WDFY3: variants seen among roughly 807,000 people sequenced by gnomAD.
The protein encoded by WDFY3 is WD repeat and FYVE domain containing 3, also known as WD repeat and FYVE domain-containing protein 3.
WDFY3 carries 66 observed loss-of-function variants against 409.6 expected under a neutral mutation model. The observed-to-expected ratio is 0.16, with a 90% CI of 0.13 to 0.20. The LOEUF (loss-of-function observed/expected upper bound fraction) is 0.20, where lower values mean the gene tolerates loss of function less well. Among genes scored for constraint, WDFY3 ranks in the 10% least tolerant of loss-of-function variants. WDFY3 has a pLI of 1.00. For missense variants in WDFY3, 3,031 were observed against 4,298.1 expected, an observed-to-expected ratio of 0.71 and a Z score of 8.24; for synonymous variants, 1,521 against 1,537.1, an observed-to-expected ratio of 0.99 and a Z score of 0.25.
rs553807416 is a variant in WDFY3, at chr4:84,877,421, T to C, written c.-31-16799A>G. Among the ~76,000 whole-genome samples, 4 of 152,154 alleles carry C rather than the reference T, an allele frequency of 2.6e-5. No individual in the cohort carries two copies. In the South Asian group the frequency reaches 6.2e-4, roughly 24 times the overall value. ...TGATCAGGGCTCATTGCAGCCTCCA[T>C]CTCCTGGGCTCAAACCATCATCCCA... is the stretch of plus-strand genomic sequence containing the variant. On this transcript the variant is annotated intron_variant, in intron 3 of 67. Transcript: ENST00000295888.
intron 21 of WDFY3, among the ~76,000 whole-genome samples, chr4:84,794,117 A>G (rs1748972902): frequency 6.6e-6 from 1 of 152,204 alleles, no homozygotes; most frequent in Non-Finnish European, 1.5e-5. Flanking sequence ...AAGGTAAGTG[A>G]TGGATAAGGT....
chr4:84,750,592 G>A (rs745870777), intron 36 of WDFY3, among the ~76,000 whole-genome samples: 25 of 152,250 alleles, frequency 1.6e-4, no homozygotes, highest in Admixed American at 5.9e-4. Flanking sequence ...CAGAGCCCCT[G>A]GCATGGACTG....
In WDFY3 at chr4:84,732,271, A is replaced by C. The variant is rs571314887; in HGVS notation, c.7221+1111T>G. On this transcript the variant is annotated intron_variant, in intron 44 of 67. Coordinates refer to ENST00000295888, the MANE Select transcript of WDFY3 (RefSeq NM_014991.6). The stretch of plus-strand genomic sequence containing the variant: ...TATTATTTTAAAAATGTTACTGTTA[A>C]TTGACAAATTGTAATTGTTTATGGT... 2.0e-5 allele frequency among the ~76,000 whole-genome samples: 3 copies of C among 152,330 alleles called. No individual in the cohort carries two copies. The South Asian group carries it at 6.2e-4, about 32-fold the overall frequency.
At position 84,844,634 on chromosome 4, in the gene WDFY3, G is replaced by A. The variant is rs1161087217; in HGVS notation, c.305-3371C>T. ...TTGCTGGATTGCTGCCCATATTGGG[G>A]ATTGCACTACTAGGTTTAACAGTGG... On this transcript the variant is annotated intron_variant, in intron 5 of 67. Transcript: ENST00000295888. The A allele has an allele frequency of 4.4e-6, 3 of 684,352 alleles. No homozygotes were observed. In the African/African-American group the frequency reaches 5.7e-5, roughly 13 times the overall value. The allele number at this position is 684,352 out of a possible 1,614,324, so 42.4% of individuals were successfully genotyped here. A position where few individuals can be genotyped will look rare whatever the true frequency, so the allele number is the denominator to read the frequency against.
intron 60 of WDFY3, 152 bp from the exon 61 acceptor site, chr4:84,690,816 CT>C: frequency 1.0e-6 from 1 of 977,436 alleles, no homozygotes; most frequent in African/African-American, 1.7e-5. Flanking sequence ...AGCATATCCA[CT>C]GAATCTCTAC....
chr4:84,820,276 C>A, intron 11 of WDFY3, 90 bp from the exon 12 acceptor site: 2 of 1,090,750 alleles, frequency 1.8e-6, no homozygotes, highest in South Asian at 3.3e-5. Context: ...TTTATTTCTT[C>A]AGTATTCAGT....
chr4:84,960,157 T>A (rs1000850822), intron 1 of WDFY3, among the ~76,000 whole-genome samples: 7 of 152,218 alleles, frequency 4.6e-5, no homozygotes, highest in African/African-American at 1.7e-4. Context: ...AGGCCTGTTA[T>A]TTGAAAATAA....
intron 1 of WDFY3, among the ~76,000 whole-genome samples, chr4:84,944,971 A>G (rs1772625535): frequency 6.6e-6 from 1 of 152,132 alleles, no homozygotes; most frequent in Non-Finnish European, 1.5e-5. Flanking sequence ...CCTTGAAAAG[A>G]TCAAAAGATA....
intron 5 of WDFY3, among the ~76,000 whole-genome samples, chr4:84,842,266 C>A (rs1393256855): frequency 6.6e-6 from 1 of 152,120 alleles, no homozygotes; most frequent in Non-Finnish European, 1.5e-5. Flanking sequence ...CACCTGAGGT[C>A]AGGAGTTCGA....
At chr4:84,886,059 A>T (rs998197769) in intron 3 of WDFY3, among the ~76,000 whole-genome samples, 19 of 152,202 alleles carry the variant, frequency 1.2e-4, no homozygotes, top group Non-Finnish European at 1.6e-4. Context: ...AAAAAAAATT[A>T]AAAAATAAGA....
At chr4:84,678,408 C>T (rs575718909) in intron 65 of WDFY3, 129 bp from the exon 66 acceptor site, 4 of 623,508 alleles carry the variant, frequency 6.4e-6, no homozygotes, top group Non-Finnish European at 1.2e-5. Context: ...TTTTCCAGTT[C>T]TCGGCAGCTG....
rs1206447665 is a variant in WDFY3 at position 84,683,956 on chromosome 4, T to C, written c.9713A>G (p.Asp3238Gly). The C allele has an allele frequency of 6.3e-7, 1 of 1,597,166 alleles. No homozygotes were observed. Among genetic ancestry groups the C allele is most frequent in the Non-Finnish European group, 8.6e-7 (1 of 1,166,732 alleles). ...CAGTTCACTTACCCGAACCACTCCA[T>C]CTGAGTGTCCTGTCACTATGACGTT... ...TQNVIVTGHS[D>G]GVVRFWRMEF... The change falls in exon 63 of 68, where the codon GAT becomes GGT. Residue 3238 changes from aspartate (D) to glycine (G), a missense_variant. Transcript: ENST00000295888.
chr4:84,924,033 A>G (rs1769654457), intron 2 of WDFY3, among the ~76,000 whole-genome samples: 1 of 152,226 alleles, frequency 6.6e-6, no homozygotes, highest in Admixed American at 6.5e-5. Flanking sequence ...AGAAACATTT[A>G]TATAAATAAA....
At chr4:84,819,983 T>C in intron 12 of WDFY3, 102 bp downstream of exon 12, 1 of 1,083,266 alleles carries the variant, frequency 9.2e-7, no homozygotes, top group Non-Finnish European at 1.3e-6. Context: ...ATCAATAGTT[T>C]TTTCTCTAAA....
At chr4:84,955,035 T>C (rs977077602) in intron 1 of WDFY3, among the ~76,000 whole-genome samples, 3 of 152,044 alleles carry the variant, frequency 2.0e-5, no homozygotes, top group African/African-American at 2.4e-5. Flanking sequence ...CAAAACTCCG[T>C]CTTTGCAAAA....
chr4:84,889,709 T>C (rs1764684099), intron 3 of WDFY3, among the ~76,000 whole-genome samples: 3 of 152,256 alleles, frequency 2.0e-5, no homozygotes, highest in South Asian at 2.1e-4. Flanking sequence ...TTTTCCTTAA[T>C]AGTAAATGGA....
chr4:84,890,627 T>C (rs1052746281), intron 3 of WDFY3, among the ~76,000 whole-genome samples: 1 of 152,202 alleles, frequency 6.6e-6, no homozygotes, highest in Non-Finnish European at 1.5e-5. Context: ...TGTGTGGCAC[T>C]GAACTGTGTG....
In WDFY3 at chr4:84,836,953, T is replaced by C; in HGVS notation, c.552A>G (p.Gly184=). 1 of 1,585,662 alleles carries C rather than the reference T, an allele frequency of 6.3e-7. No homozygotes were observed. Among genetic ancestry groups the C allele is most frequent in the Non-Finnish European group, 8.6e-7 (1 of 1,166,204 alleles). Reference sequence around the variant, plus strand: ...CCTGTACAAAAACTTTCTGGAGTAGTCCTCGACGTTCTGCTAGAGGTAGCT... The same window carrying C: ...CCTGTACAAAAACTTTCTGGAGTAGCCCTCGACGTTCTGCTAGAGGTAGCT... ...QNELPLAERR[G]LLQKVFVQIL... The change falls in exon 7 of 68, where the codon GGA becomes GGG. Residue 184 remains glycine, a synonymous_variant. Coordinates refer to ENST00000295888, the MANE Select transcript of WDFY3 (RefSeq NM_014991.6).
intron 9 of WDFY3, among the ~76,000 whole-genome samples, chr4:84,827,703 T>C (rs1298889366): frequency 1.3e-5 from 2 of 152,234 alleles, no homozygotes; most frequent in East Asian, 1.9e-4. Flanking sequence ...TCTAGTAATG[T>C]GAAGTGGTTA....
Sources: allele counts gnomAD v4.1 joint callset (sites outside exome capture counted in the v4.1 genomes callset), GRCh38; gene constraint gnomAD v4.1.1; transcripts MANE v1.5; gene names NCBI Gene and HGNC (gene_info 2026-07-23, HGNC 2026-07-21).